Variants in ZNF436 observed in about 807,000 individuals in gnomAD.
The protein encoded by ZNF436 is DNA-binding protein.
ZNF436 carries 22 observed loss-of-function variants against 41.9 expected under a neutral mutation model. The ratio of observed to expected loss-of-function variants is 0.53; its 90% CI spans 0.38 to 0.75. The LOEUF is 0.75. Among genes scored for constraint, ZNF436 ranks in the 30% least tolerant of loss-of-function variants. ZNF436 has a pLI of 0.00. For missense variants in ZNF436, 506 were observed against 587.3 expected, an observed-to-expected ratio of 0.86 and a Z score of 1.43; for synonymous variants, 217 against 197.8, an observed-to-expected ratio of 1.10 and a Z score of -0.82.
rs920353750 is a variant in ZNF436 at position 23,369,471 on chromosome 1, T to G, written c.-166A>C. The stretch of plus-strand genomic sequence containing the variant: ...CTCTCAGACCTGGCGTTCAGGAAGA[T>G]TCTAGAGAGCACGGGCAGGTCCCGG... On this transcript the variant is annotated 5_prime_UTR_variant, in exon 1 of 4. Transcript: ENST00000314011. 6 of 533,096 alleles carry G rather than the reference T, an allele frequency of 1.1e-5. No individual in the cohort carries two copies. Among genetic ancestry groups the G allele is most frequent in the African/African-American group, 7.7e-5 (4 of 51,928 alleles). The allele number at this position is 533,096 out of a possible 1,614,324, so 33.0% of individuals were successfully genotyped here.
chr1:23,365,575 G>C (rs772341990), intron 3 of ZNF436, among the ~76,000 whole-genome samples: 1 of 151,754 alleles, frequency 6.6e-6, no homozygotes. Flanking sequence ...TTAGCTGAGC[G>C]TGGTGGCATG....
chr1:23,369,500 T>C lies in ZNF436; in HGVS notation c.-195A>G, dbSNP rs759821756. On this transcript the variant is annotated 5_prime_UTR_variant, in exon 1 of 4. Coordinates refer to ENST00000314011, the MANE Select transcript of ZNF436 (RefSeq NM_001077195.2). ...AGAGAGCACGGGCAGGTCCCGGAGG[T>C]CTCAGACCCGCAGGTAGATCTCGAA... 1.9e-6 allele frequency: 1 copy of C among 531,468 alleles called. No homozygotes were observed. The highest frequency in any genetic ancestry group is 3.9e-6 in the Non-Finnish European group (1 of 257,484). The allele number at this position is 531,468 out of a possible 1,614,324, so 32.9% of individuals were successfully genotyped here.
Position 23,360,022 on chromosome 1 carries a change from GAA to G in ZNF436, c.*1945_*1946del, listed in dbSNP as rs1293605743. 6.6e-6 allele frequency: 1 copy of G among 152,512 alleles called. No individual in the cohort carries two copies. The highest frequency in any genetic ancestry group is 1.5e-5 in the Non-Finnish European group (1 of 68,040). 9.4% of individuals were successfully genotyped at this position (152,512 alleles called of 1,614,324 possible). ...TTAAAACCATCAGCAACATATATGA[GAA>G]AAGACATATTTGAGTTTAGTTACCA... On this transcript the variant is annotated 3_prime_UTR_variant, in exon 4 of 4. Coordinates refer to ENST00000314011, the MANE Select transcript of ZNF436 (RefSeq NM_001077195.2).
chr1:23,362,968 A>G lies in ZNF436; in HGVS notation c.414T>C (p.His138=), dbSNP rs774368434. The change falls in exon 4 of 4, where the codon CAT becomes CAC. Residue 138 remains histidine, a synonymous_variant. Transcript: ENST00000314011. The part of the protein sequence containing the change: ...HKEVHTGIRY[H]ICSHCGKAFS... ...AGGCCTTTCCACAATGAGAACATATATGATAGCGGATGCCTGTGTGGACTT... is the reference window on the plus strand; with the variant it reads ...AGGCCTTTCCACAATGAGAACATATGTGATAGCGGATGCCTGTGTGGACTT... 3.7e-5 allele frequency: 59 copies of G among 1,614,052 alleles called. No homozygotes were observed. The highest frequency in any genetic ancestry group is 2.2e-5 in the Non-Finnish European group (26 of 1,180,032).
At chr1:23,366,620 G>C (rs1168301364) in intron 3 of ZNF436, among the ~76,000 whole-genome samples, 1 of 152,126 alleles carries the variant, frequency 6.6e-6, no homozygotes, top group Non-Finnish European at 1.5e-5. Context: ...GCAAAGCTAG[G>C]GCTCTGAAGC....
rs550127557 is a variant in ZNF436 at position 23,359,713 on chromosome 1, A to C, written c.*2256T>G. On this transcript the variant is annotated 3_prime_UTR_variant, in exon 4 of 4. Transcript: ENST00000314011. ...AAGTTCAACACAGCAAACGGGCAAC[A>C]ATTGGCAGAAAGAGGAGACAGCTGG... is the stretch of plus-strand genomic sequence containing the variant. The C allele has an allele frequency of 1.3e-5, 2 of 152,838 alleles. No individual in the cohort carries two copies. The highest frequency in any genetic ancestry group is 4.8e-5 in the African/African-American group (2 of 41,578). The allele number at this position is 152,838 out of a possible 1,614,324, so 9.5% of individuals were successfully genotyped here.
Position 23,362,905 on chromosome 1 carries a change from G to A in ZNF436, c.477C>T (p.Thr159=), listed in dbSNP as rs746298571. The A allele has an allele frequency of 6.2e-7, 1 of 1,614,154 alleles. No homozygotes were observed. The highest frequency in any genetic ancestry group is 2.2e-5 in the East Asian group (1 of 44,884). The change falls in exon 4 of 4, where the codon ACC becomes ACT. Residue 159 remains threonine (T), a synonymous_variant. Coordinates refer to ENST00000314011, the MANE Select transcript of ZNF436 (RefSeq NM_001077195.2). ...QISDLNRHQK[T]HTGDRPYKCY... is the part of the protein sequence containing the mutation. ...ATTTATAGGGTCTGTCTCCAGTGTG[G>A]GTCTTCTGATGTCGATTAAGGTCTG...
At chr1:23,368,584 A>G (rs1246842288) in intron 1 of ZNF436, among the ~76,000 whole-genome samples, 1 of 151,552 alleles carries the variant, frequency 6.6e-6, no homozygotes. Context: ...GGAAAAGAAC[A>G]AAAGGGTGAA....
chr1:23,367,904 G>A, intron 2 of ZNF436, 69 bp downstream of exon 2: 1 of 1,564,738 alleles, frequency 6.4e-7, no homozygotes, highest in Non-Finnish European at 8.8e-7. Flanking sequence ...ACAGGGACTT[G>A]CAGAGCAGAG....
rs1380261067 is a variant in ZNF436 at position 23,369,370 on chromosome 1, TG to T, written c.-66del. 1.9e-6 allele frequency: 1 copy of T among 534,392 alleles called. No individual in the cohort carries two copies. The highest frequency in any genetic ancestry group is 3.8e-6 in the Non-Finnish European group (1 of 259,946). 33.1% of individuals were successfully genotyped at this position (534,392 alleles called of 1,614,324 possible). On this transcript the variant is annotated 5_prime_UTR_variant, in exon 1 of 4. Coordinates refer to ENST00000314011, the MANE Select transcript of ZNF436 (RefSeq NM_001077195.2). ...GTGGGGGACGAACAGACTTACCTCC[TG>T]TCCCGCAAAAGATCCACTAGATCGT...
intron 3 of ZNF436, among the ~76,000 whole-genome samples, chr1:23,364,245 T>G (rs1027176992): frequency 1.8e-4 from 28 of 152,130 alleles, no homozygotes; most frequent in Admixed American, 6.5e-5. Context: ...TTTGTTTTGT[T>G]TTGTTTTTTG....
chr1:23,366,932 C>A, intron 3 of ZNF436, 110 bp downstream of exon 3: 1 of 1,240,404 alleles, frequency 8.1e-7, no homozygotes, highest in Non-Finnish European at 1.1e-6. Flanking sequence ...AAGCCAATAT[C>A]CAATTAAGTG....
Position 23,367,105 on chromosome 1 carries a change from C to G in ZNF436, c.97G>C (p.Ala33Pro). 1.9e-6 allele frequency: 3 copies of G among 1,613,466 alleles called. No individual in the cohort carries two copies. The change falls in exon 3 of 4, where the codon GCT (alanine) becomes CCT (proline). Residue 33 changes from alanine (A) to proline (P), a missense_variant. Around this residue, in one of 2 missense-constraint regions of ZNF436, gnomAD observed 228 missense variants for 215.1 expected, o/e 1.06. Coordinates refer to ENST00000314011, the MANE Select transcript of ZNF436 (RefSeq NM_001077195.2). Reference sequence around the variant, plus strand: ...TCCCGGTAAAGGTCCCTCTGTGCAGCGTCCAGAGGTCTCCATTCTTCCCGG... The same window carrying G: ...TCCCGGTAAAGGTCCCTCTGTGCAGGGTCCAGAGGTCTCCATTCTTCCCGG... ...LTREEWRPLDAAQRDLYRDVM... is the reference protein window; with the variant it reads ...LTREEWRPLDPAQRDLYRDVM...
In ZNF436 at chr1:23,369,504, A is replaced by G; in HGVS notation, c.-199T>C. On this transcript the variant is annotated 5_prime_UTR_variant, in exon 1 of 4. Transcript: ENST00000314011. ...AGCACGGGCAGGTCCCGGAGGTCTCAGACCCGCAGGTAGATCTCGAATTCG... is the reference window on the plus strand; with the variant it reads ...AGCACGGGCAGGTCCCGGAGGTCTCGGACCCGCAGGTAGATCTCGAATTCG... 1.9e-6 allele frequency: 1 copy of G among 531,952 alleles called. No individual in the cohort carries two copies. Among genetic ancestry groups the G allele is most frequent in the Non-Finnish European group, 3.9e-6 (1 of 257,672 alleles). 33.0% of individuals were successfully genotyped at this position (531,952 alleles called of 1,614,324 possible).
Position 23,361,670 on chromosome 1 carries a change from C to A in ZNF436, c.*299G>T. On this transcript the variant is annotated 3_prime_UTR_variant, in exon 4 of 4. Transcript: ENST00000314011. ...AGAAAATAACATTGAAAGATTTACT[C>A]CATTTCCAGGCCTAAGCATTCACCA... is the stretch of plus-strand genomic sequence containing the variant. The A allele has an allele frequency of 3.6e-6, 1 of 278,422 alleles. No individual in the cohort carries two copies. Among genetic ancestry groups the A allele is most frequent in the South Asian group, 6.1e-5 (1 of 16,504 alleles). The allele number at this position is 278,422 out of a possible 1,614,324, so 17.2% of individuals were successfully genotyped here.
At position 23,369,433 on chromosome 1, in the gene ZNF436, G is replaced by C. The variant is rs144144598; in HGVS notation, c.-128C>G. ...CCTGAGAGACCGCGAACGGGTTCCA[G>C]AGCCGCAGCGTTCTCTCAGACCTGG... On this transcript the variant is annotated 5_prime_UTR_variant, in exon 1 of 4. Transcript: ENST00000314011. The C allele has an allele frequency of 4.0e-4, 216 of 534,620 alleles. No individual in the cohort carries two copies. The highest frequency in any genetic ancestry group is 3.1e-3 in the African/African-American group (164 of 52,098). The allele number at this position is 534,620 out of a possible 1,614,324, so 33.1% of individuals were successfully genotyped here. A position where few individuals can be genotyped will look rare whatever the true frequency, so the allele number is the denominator to read the frequency against.
Position 23,369,729 on chromosome 1 carries a change from T to C in ZNF436, c.-424A>G, listed in dbSNP as rs763622301. The C allele has an allele frequency of 2.5e-6, 1 of 405,668 alleles. No individual in the cohort carries two copies. Among genetic ancestry groups the C allele is most frequent in the Non-Finnish European group, 5.1e-6 (1 of 194,546 alleles). The allele number at this position is 405,668 out of a possible 1,614,324, so 25.1% of individuals were successfully genotyped here. A position where few individuals can be genotyped will look rare whatever the true frequency, so the allele number is the denominator to read the frequency against. ...AACGGGAGGACTCGCAGCTCTCCCT[T>C]TCCCCAGCCAGGATGAGGGAATTAG... is the stretch of plus-strand genomic sequence containing the variant. On this transcript the variant is annotated 5_prime_UTR_variant, in exon 1 of 4. Transcript: ENST00000314011.
At position 23,361,635 on chromosome 1, in the gene ZNF436, C is replaced by T; in HGVS notation, c.*334G>A. ...TTTCACTTAGCATAGTTCCTTGGGC[C>T]AAGGATGGGAGAAAATAACATTGAA... On this transcript the variant is annotated 3_prime_UTR_variant, in exon 4 of 4. Transcript: ENST00000314011. 4.4e-6 allele frequency: 1 copy of T among 227,510 alleles called. No homozygotes were observed. The highest frequency in any genetic ancestry group is 8.7e-6 in the Non-Finnish European group (1 of 114,898). 14.1% of individuals were successfully genotyped at this position (227,510 alleles called of 1,614,324 possible). A position where few individuals can be genotyped will look rare whatever the true frequency, so the allele number is the denominator to read the frequency against.
At position 23,369,181 on chromosome 1, in the gene ZNF436, G is replaced by C. The variant is rs557106329; in HGVS notation, c.-61+185C>G. On this transcript the variant is annotated intron_variant, in intron 1 of 3. Transcript: ENST00000314011. The stretch of plus-strand genomic sequence containing the variant: ...GGAGGAGATAGCCAGGCCCCTGCGG[G>C]GGGGGCGGGCCCTCCTTAGCGTCCC... The C allele has an allele frequency of 1.4e-3, 570 of 394,136 alleles. 2 individuals carry two copies. Among genetic ancestry groups the C allele is most frequent in the South Asian group, 2.1e-3 (105 of 50,042 alleles). The allele number at this position is 394,136 out of a possible 1,614,324, so 24.4% of individuals were successfully genotyped here.
Sources: allele counts gnomAD v4.1 joint callset (sites outside exome capture counted in the v4.1 genomes callset), GRCh38; gene constraint gnomAD v4.1.1; regional missense constraint gnomAD v4.1.1; transcripts MANE v1.5; gene names NCBI Gene and HGNC (gene_info 2026-07-23, HGNC 2026-07-21).